The following COX7A2L variants were observed in gnomAD, a reference collection of about 807,000 sequenced individuals.
COX7A2L encodes the protein cytochrome c oxidase subunit 7A2-like, mitochondrial.
A neutral mutation model predicts 14.2 loss-of-function variants in COX7A2L; 18 were observed. The ratio of observed to expected loss-of-function variants is 1.27; its 90% CI spans 0.88 to 1.88. The LOEUF (loss-of-function observed/expected upper bound fraction) is 1.88. COX7A2L is among the 40% of genes most tolerant of loss of function. The pLI, the probability that COX7A2L is intolerant of heterozygous loss-of-function variation, is 0.00. For synonymous variants in COX7A2L, 65 were observed against 57.4 expected (o/e 1.13, Z -0.60); for missense variants, 179 against 138.8 (o/e 1.29, Z -1.46).
chr2:42,340,281 ACT>A (rs1352509328), intron 2 of COX7A2L, among the ~76,000 whole-genome samples: 1 of 151,474 alleles, frequency 6.6e-6, no homozygotes, highest in Non-Finnish European at 1.5e-5. Flanking sequence ...CACTGAGTTC[ACT>A]CTGCCTTCCT....
Position 42,342,851 on chromosome 2 carries a change from G to C in COX7A2L, c.193-8982C>G, listed in dbSNP as rs563107668. Among the ~76,000 whole-genome samples the C allele has an allele frequency of 6.6e-6, 1 of 152,106 alleles. No homozygotes were observed. Among genetic ancestry groups the C allele is most frequent in the Admixed American group, 6.5e-5 (1 of 15,272 alleles). ...CTGGGAAGTCAGCTCCAGCAGTCTT[G>C]GGACCCTGGGCAAGCAGCATCTGGG... On this transcript the variant is annotated intron_variant, in intron 2 of 2. Coordinates refer to the COX7A2L transcript ENST00000468711. This position sits in a 1 kb window ranked among gnomAD's most constrained non-coding sequence, Gnocchi z 4.9.
chr2:42,358,822 A>G (rs1670915074), intron 1 of COX7A2L, among the ~76,000 whole-genome samples: 5 of 152,210 alleles, frequency 3.3e-5, no homozygotes, highest in Admixed American at 3.3e-4. Context: ...AACCTAGATT[A>G]TGCTGAAGAT....
chr2:42,340,424 G>C (rs1670379403), intron 2 of COX7A2L, among the ~76,000 whole-genome samples: 1 of 152,228 alleles, frequency 6.6e-6, no homozygotes. Context: ...CCTCCACACT[G>C]CCACTGTGGG....
At chr2:42,361,026 C>A (rs958598305) in intron 1 of COX7A2L, 64 bp downstream of exon 1, 8 of 1,574,994 alleles carry the variant, frequency 5.1e-6, no homozygotes, top group Non-Finnish European at 7.0e-6. Flanking sequence ...AACGCCGCGA[C>A]TGCCTGTCGC....
chr2:42,356,145 C>A (rs1026753483), intron 1 of COX7A2L, among the ~76,000 whole-genome samples: 50 of 152,216 alleles, frequency 3.3e-4, no homozygotes, highest in African/African-American at 1.2e-3. Flanking sequence ...CATGTTCCCT[C>A]TGCCTAGAAT....
intron 1 of COX7A2L, among the ~76,000 whole-genome samples, chr2:42,366,286 C>T (rs146067225): frequency 2.1e-4 from 32 of 152,182 alleles, no homozygotes; most frequent in Admixed American, 3.3e-4. Flanking sequence ...ATTAGTCGGG[C>T]GTGATTGCAC....
chr2:42,355,696 C>G (rs1670792372), intron 1 of COX7A2L, among the ~76,000 whole-genome samples: 1 of 145,132 alleles, frequency 6.9e-6, no homozygotes, highest in Non-Finnish European at 1.5e-5. Context: ...ATTTAACAGT[C>G]ACAGTGTAAA....
At chr2:42,352,324 T>C (rs968203713) in intron 2 of COX7A2L, among the ~76,000 whole-genome samples, 2 of 152,060 alleles carry the variant, frequency 1.3e-5, no homozygotes, top group East Asian at 3.9e-4. Context: ...CGCGTGCCTA[T>C]ACACTCAGCT....
intron 2 of COX7A2L, among the ~76,000 whole-genome samples, chr2:42,340,626 C>T (rs1441847478): frequency 6.6e-6 from 1 of 152,112 alleles, no homozygotes; most frequent in African/African-American, 2.4e-5. Flanking sequence ...CAGGCGCACC[C>T]GAGATGCCCT....
In COX7A2L at chr2:42,350,452, G is replaced by T. The variant is rs1027430054; in HGVS notation, c.*767C>A. ...TAGACTCAGGTTTAAGATGCTGCTG[G>T]TGTTCTGAAATTACTCTGAAAGGTC... On this transcript the variant is annotated 3_prime_UTR_variant, in exon 3 of 3. Coordinates refer to ENST00000234301, the MANE Select transcript of COX7A2L (RefSeq NM_004718.4). 2 of 152,168 alleles carry T rather than the reference G, an allele frequency of 1.3e-5. No homozygotes were observed. The highest frequency in any genetic ancestry group is 2.9e-5 in the Non-Finnish European group (2 of 68,024). 9.4% of individuals were successfully genotyped at this position (152,168 alleles called of 1,614,324 possible). A position where few individuals can be genotyped will look rare whatever the true frequency, so the allele number is the denominator to read the frequency against.
downstream of COX7A2L, among the ~76,000 whole-genome samples, chr2:42,346,619 A>G (rs1304892343): frequency 6.6e-6 from 1 of 152,032 alleles, no homozygotes; most frequent in Non-Finnish European, 1.5e-5. Context: ...CGTCTCTCCC[A>G]AAAGCTTACT....
rs969669515 is a variant in COX7A2L at position 42,342,390 on chromosome 2, C to G, written c.193-8521G>C. Among the ~76,000 whole-genome samples the G allele has an allele frequency of 6.6e-6, 1 of 152,130 alleles. No homozygotes were observed. Among genetic ancestry groups the G allele is most frequent in the Non-Finnish European group, 1.5e-5 (1 of 68,016 alleles). On this transcript the variant is annotated intron_variant, in intron 2 of 2. Coordinates refer to the COX7A2L transcript ENST00000468711. The surrounding 1 kb of genome is among the most constrained non-coding windows in gnomAD (Gnocchi z 4.9). ...CCCCAATTTCTGCACCCACTTATTC[C>G]TTGGCCCTTCAGGCAGGCACCAGGT...
upstream of COX7A2L, chr2:42,361,230 C>T (rs1427365790): frequency 2.8e-6 from 4 of 1,444,628 alleles, no homozygotes; most frequent in African/African-American, 2.8e-5. Flanking sequence ...CCCGCCTCCC[C>T]GGCTGTGGTC....
intron 2 of COX7A2L, among the ~76,000 whole-genome samples, chr2:42,343,690 C>G (rs1024235808): frequency 2.0e-5 from 3 of 152,174 alleles, no homozygotes. Context: ...CAGGTATAAC[C>G]TCTAGCTATT....
chr2:42,346,153 A>G (rs1165898504), downstream of COX7A2L, among the ~76,000 whole-genome samples: 1 of 152,190 alleles, frequency 6.6e-6, no homozygotes. Context: ...TGGGACAATA[A>G]CATTCTCTCT....
Position 42,350,443 on chromosome 2 carries a change from A to C in COX7A2L, c.*776T>G, listed in dbSNP as rs1237288505. ...GAAAGAAATTAGACTCAGGTTTAAG[A>C]TGCTGCTGGTGTTCTGAAATTACTC... On this transcript the variant is annotated 3_prime_UTR_variant, in exon 3 of 3. Coordinates refer to ENST00000234301, the MANE Select transcript of COX7A2L (RefSeq NM_004718.4). 1 of 152,220 alleles carries C rather than the reference A, an allele frequency of 6.6e-6. No homozygotes were observed. Among genetic ancestry groups the C allele is most frequent in the African/African-American group, 2.4e-5 (1 of 41,460 alleles). The allele number at this position is 152,220 out of a possible 1,614,324, so 9.4% of individuals were successfully genotyped here.
chr2:42,360,355 G>T (rs949759025), intron 1 of COX7A2L, among the ~76,000 whole-genome samples: 1 of 152,124 alleles, frequency 6.6e-6, no homozygotes, highest in East Asian at 1.9e-4. Flanking sequence ...CTTGGCCAAG[G>T]TCACACAATT....
At chr2:42,361,803 G>A (rs1205938928), upstream of COX7A2L, 3 of 152,332 alleles carry the variant, frequency 2.0e-5, no homozygotes, top group East Asian at 5.8e-4. Flanking sequence ...CTGTTGCTCA[G>A]TCTGCCCAGG....
downstream of COX7A2L, among the ~76,000 whole-genome samples, chr2:42,347,065 C>T (rs1286956259): frequency 6.6e-6 from 1 of 152,096 alleles, no homozygotes; most frequent in Non-Finnish European, 1.5e-5. Flanking sequence ...AAGGTTTCAC[C>T]ATGTTGCCCA....
Sources: allele counts gnomAD v4.1 joint callset (sites outside exome capture counted in the v4.1 genomes callset), GRCh38; gene constraint gnomAD v4.1.1; non-coding constraint Gnocchi (gnomAD v3.1); transcripts MANE v1.5; gene names NCBI Gene and HGNC (gene_info 2026-07-23, HGNC 2026-07-21).